NEK10: variants seen among roughly 807,000 people sequenced by gnomAD.
NEK10 encodes the protein serine/threonine-protein kinase Nek10.
NEK10 carries 122 observed loss-of-function variants against 159.8 expected under a neutral mutation model. That is an observed-to-expected ratio of 0.76 (90% CI 0.66 to 0.89). The LOEUF (loss-of-function observed/expected upper bound fraction) is 0.89, where lower values mean the gene tolerates loss of function less well. Among genes scored for constraint, NEK10 ranks in the 40% least tolerant of loss-of-function variants. The pLI is 0.00. For synonymous variants in NEK10, 466 were observed against 457.1 expected (o/e 1.02, Z -0.25); for missense variants, 1,342 against 1,323.1 (o/e 1.01, Z -0.22).
At chr3:27,308,731 A>C (rs1008665567) in intron 10 of NEK10, among the ~76,000 whole-genome samples, 195 bp downstream of exon 10, 11 of 152,214 alleles carry the variant, frequency 7.2e-5, no homozygotes, top group Non-Finnish European at 1.6e-4. Flanking sequence ...GAAAATTTTA[A>C]ACTGCAATTT....
At position 27,314,354 on chromosome 3, in the gene NEK10, C is replaced by T; in HGVS notation, c.448-16G>A. ...GGAGTATTTCCTAATAAAATAAAAGCAACAAAACACATGTAAATGATGAGG... is the reference window on the plus strand; with the variant it reads ...GGAGTATTTCCTAATAAAATAAAAGTAACAAAACACATGTAAATGATGAGG... On this transcript the variant is annotated splice_polypyrimidine_tract_variant and intron_variant, in intron 6 of 35. Coordinates refer to ENST00000691995, the MANE Select transcript of NEK10 (RefSeq NM_001394966.1). 6.5e-7 allele frequency: 1 copy of T among 1,544,466 alleles called. No homozygotes were observed.
chr3:27,298,537 C>T (rs1179206816), intron 13 of NEK10, among the ~76,000 whole-genome samples: 7 of 152,088 alleles, frequency 4.6e-5, no homozygotes, highest in African/African-American at 9.7e-5. Flanking sequence ...CCAGTAGAGT[C>T]GGGCTTTGCT....
intron 26 of NEK10, among the ~76,000 whole-genome samples, chr3:27,183,355 T>C (rs1948312722): frequency 6.6e-6 from 1 of 150,826 alleles, no homozygotes; most frequent in African/African-American, 2.4e-5. Context: ...AGACTAGACA[T>C]TTAAAGAAGT....
At chr3:27,209,094 AG>A (rs1398341193) in intron 23 of NEK10, among the ~76,000 whole-genome samples, 2 of 144,650 alleles carry the variant, frequency 1.4e-5, no homozygotes, top group African/African-American at 4.9e-5. Flanking sequence ...CAGCATTGAC[AG>A]CTTTATCCAC....
chr3:27,196,615 A>G (rs1949584080), intron 25 of NEK10, among the ~76,000 whole-genome samples: 1 of 152,214 alleles, frequency 6.6e-6, no homozygotes, highest in Non-Finnish European at 1.5e-5. Context: ...GTTAACCCCA[A>G]GAGTCCTGGG....
intron 31 of NEK10, among the ~76,000 whole-genome samples, chr3:27,133,554 C>CA (rs548093416): frequency 3.2e-4 from 48 of 152,256 alleles, no homozygotes; most frequent in Admixed American, 2.0e-3. Context: ...GCAGGAGGAT[C>CA]ACCTGAGGTA....
chr3:27,287,254 T>C (rs1009311357), intron 20 of NEK10, among the ~76,000 whole-genome samples: 1 of 151,910 alleles, frequency 6.6e-6, no homozygotes, highest in Non-Finnish European at 1.5e-5. Flanking sequence ...CTGGGCTCCA[T>C]CGCCACCTTT....
chr3:27,303,715 T>C (rs1378257481), intron 12 of NEK10, among the ~76,000 whole-genome samples: 1 of 152,248 alleles, frequency 6.6e-6, no homozygotes, highest in Non-Finnish European at 1.5e-5. Flanking sequence ...TGCTTCTGAA[T>C]GTTCCTTAAG....
intron 6 of NEK10, among the ~76,000 whole-genome samples, chr3:27,315,807 C>T (rs536045922): frequency 3.3e-5 from 5 of 152,188 alleles, no homozygotes; most frequent in East Asian, 3.9e-4. Context: ...TGTTACGAGG[C>T]GCCAGAATAG....
intron 4 of NEK10, among the ~76,000 whole-genome samples, chr3:27,345,752 C>T (rs991553834): frequency 3.9e-5 from 6 of 152,150 alleles, no homozygotes; most frequent in Non-Finnish European, 7.4e-5. Flanking sequence ...TCCTTTTATG[C>T]CATCTCATTA....
chr3:27,198,343 A>C (rs1949739593), intron 25 of NEK10, among the ~76,000 whole-genome samples: 1 of 152,074 alleles, frequency 6.6e-6, no homozygotes, highest in South Asian at 2.1e-4. Flanking sequence ...AAAAAAAAAA[A>C]AAACAAAGCT....
Position 27,212,448 on chromosome 3 carries a change from C to T in NEK10, c.2091-9891G>A, listed in dbSNP as rs1413476680. 3.9e-5 allele frequency among the ~76,000 whole-genome samples: 6 copies of T among 152,320 alleles called. No homozygotes were observed. In the South Asian group the frequency reaches 1.0e-3, roughly 26 times the overall value. On this transcript the variant is annotated intron_variant, in intron 23 of 35. Coordinates refer to ENST00000691995, the MANE Select transcript of NEK10 (RefSeq NM_001394966.1). ...CATCTGTGAAGCAGAAGTTCCCTCACTGAATATGCGAAAACCAATGGCCAT... is the reference window on the plus strand; with the variant it reads ...CATCTGTGAAGCAGAAGTTCCCTCATTGAATATGCGAAAACCAATGGCCAT...
rs149463657 is a variant in NEK10, at chr3:27,317,901, C to G, written c.448-3563G>C. On this transcript the variant is annotated intron_variant, in intron 6 of 35. Coordinates refer to ENST00000691995, the MANE Select transcript of NEK10 (RefSeq NM_001394966.1). ...CACTGCAAGCTCCGCCTCCCGGGTT[C>G]ACGCCATTCTTCTGCCTCAGCCTCC... is the stretch of plus-strand genomic sequence containing the variant. Among the ~76,000 whole-genome samples, 974 of 152,282 alleles carry G rather than the reference C, an allele frequency of 6.4e-3. 7 individuals carry two copies. The highest frequency in any genetic ancestry group is 0.022 in the African/African-American group (932 of 41,546).
intron 1 of NEK10, among the ~76,000 whole-genome samples, chr3:27,365,944 G>C (rs907180867): frequency 6.6e-6 from 1 of 151,994 alleles, no homozygotes; most frequent in African/African-American, 2.4e-5. Context: ...ACATGAGTTT[G>C]TTTAAAGTTC....
chr3:27,170,444 G>A (rs1351312161), intron 29 of NEK10, among the ~76,000 whole-genome samples: 2 of 152,146 alleles, frequency 1.3e-5, no homozygotes, highest in African/African-American at 4.8e-5. Flanking sequence ...CTAATACATA[G>A]AAACTGGCTG....
chr3:27,123,607 C>T (rs767549360), intron 32 of NEK10, among the ~76,000 whole-genome samples: 6 of 152,140 alleles, frequency 3.9e-5, no homozygotes, highest in African/African-American at 9.6e-5. Context: ...TCTTGGAGTT[C>T]GCTAACTACT....
chr3:27,311,122 G>A, intron 8 of NEK10, 106 bp from the exon 9 acceptor site: 1 of 686,022 alleles, frequency 1.5e-6, no homozygotes, highest in Admixed American at 2.2e-5. Context: ...AAAGGTCAAA[G>A]GGAACACAGC....
chr3:27,212,441 T>TC (rs1311663427), intron 23 of NEK10, among the ~76,000 whole-genome samples: 1 of 152,194 alleles, frequency 6.6e-6, no homozygotes, highest in Admixed American at 6.5e-5. Flanking sequence ...AAGCAGAAGT[T>TC]CCCTCACTGA....
chr3:27,137,953 C>T (rs1364685139), intron 31 of NEK10, among the ~76,000 whole-genome samples: 1 of 152,204 alleles, frequency 6.6e-6, no homozygotes, highest in Non-Finnish European at 1.5e-5. Context: ...AGCTCCAAGT[C>T]CACCCTTTCA....
Sources: gnomAD v4.1 joint callset for allele counts (sites outside exome capture counted in the v4.1 genomes callset) on GRCh38, gnomAD v4.1.1 for gene constraint, MANE v1.5 for transcripts, NCBI Gene and HGNC (gene_info 2026-07-23, HGNC 2026-07-21) for gene names.